SLC66A3: variants seen among roughly 807,000 people sequenced by gnomAD.
SLC66A3 encodes PQ loop repeat containing 3.
A neutral mutation model predicts 25.5 loss-of-function variants in SLC66A3; 23 were observed. The observed-to-expected ratio is 0.90, with a 90% CI of 0.65 to 1.28. The LOEUF (loss-of-function observed/expected upper bound fraction) is 1.28. SLC66A3 is among the 50% of genes most tolerant of loss of function. The pLI, the probability that SLC66A3 is intolerant of heterozygous loss-of-function variation, is 0.00. For synonymous variants in SLC66A3, 108 were observed against 112.6 expected, an observed-to-expected ratio of 0.96 and a Z score of 0.26; for missense variants, 246 against 262.1, an observed-to-expected ratio of 0.94 and a Z score of 0.42.
chr2:11,176,339 C>CAGAGT (rs1282623624), intron 6 of SLC66A3, among the ~76,000 whole-genome samples: 3 of 151,380 alleles, frequency 2.0e-5, no homozygotes, highest in African/African-American at 7.3e-5. Flanking sequence ...CCTCAGCCTC[C>CAGAGT]AGAGTAGCTG....
chr2:11,173,966 G>T (rs1662642803), intron 5 of SLC66A3, among the ~76,000 whole-genome samples: 2 of 152,146 alleles, frequency 1.3e-5, no homozygotes, highest in South Asian at 2.1e-4. Flanking sequence ...TTTATTGTTT[G>T]TTTTTTGAGA....
At chr2:11,161,790 G>A (rs552450837) in intron 3 of SLC66A3, among the ~76,000 whole-genome samples, 1 of 152,340 alleles carries the variant, frequency 6.6e-6, no homozygotes, top group South Asian at 2.1e-4. Flanking sequence ...CAAAGTGCTG[G>A]GATTACAGGC....
intron 3 of SLC66A3, among the ~76,000 whole-genome samples, chr2:11,163,004 C>T (rs1436651459): frequency 1.3e-5 from 2 of 152,018 alleles, no homozygotes; most frequent in Non-Finnish European, 2.9e-5. Context: ...GTTGGGTGGT[C>T]GAAGTGGGAG....
At chr2:11,161,961 T>C (rs1662145350) in intron 3 of SLC66A3, among the ~76,000 whole-genome samples, 2 of 152,132 alleles carry the variant, frequency 1.3e-5, no homozygotes, top group African/African-American at 4.8e-5. Flanking sequence ...GCCATGAGAA[T>C]GTGGGTGTGG....
Position 11,177,774 on chromosome 2 carries a change from ATGGGT to A in SLC66A3, c.556_560del (p.Trp186AsnfsTer15). The A allele has an allele frequency of 6.2e-7, 1 of 1,611,660 alleles. No homozygotes were observed. Among genetic ancestry groups the A allele is most frequent in the Non-Finnish European group, 8.5e-7 (1 of 1,178,728 alleles). ...TTGTGATCATGCTGGCTTTAAATAT[ATGGGT>A]AACAGTGACAGTACTTCGCTACCGG... On this transcript the variant is annotated frameshift_variant, in exon 7 of 7. Transcript: ENST00000295083. LOFTEE classifies it high-confidence loss of function.
At chr2:11,162,527 C>T (rs980368587) in intron 3 of SLC66A3, among the ~76,000 whole-genome samples, 1 of 152,194 alleles carries the variant, frequency 6.6e-6, no homozygotes, top group African/African-American at 2.4e-5. Flanking sequence ...CAGCAAGATG[C>T]TTATAATCTC....
At chr2:11,159,706 A>C (rs1262760228) in intron 1 of SLC66A3, among the ~76,000 whole-genome samples, 1 of 152,014 alleles carries the variant, frequency 6.6e-6, no homozygotes, top group African/African-American at 2.4e-5. Flanking sequence ...GGTGAGAGGG[A>C]GGGAGCCAAA....
intron 6 of SLC66A3, among the ~76,000 whole-genome samples, chr2:11,176,910 C>T (rs1056588181): frequency 6.6e-6 from 1 of 152,110 alleles, no homozygotes; most frequent in South Asian, 2.1e-4. Flanking sequence ...CTCATTAAAC[C>T]TATTTATCAG....
At chr2:11,164,339 A>ATTTTTTTTTTTTT (rs1662232050) in intron 4 of SLC66A3, 78 bp downstream of exon 4, 1 of 120,306 alleles carries the variant, frequency 8.3e-6, no homozygotes, top group African/African-American at 5.1e-5. Context: ...ATATATATAT[A>ATTTTTTTTTTTTT]TATATATTTT....
intron 5 of SLC66A3, among the ~76,000 whole-genome samples, chr2:11,172,348 A>C (rs1297658543): frequency 6.6e-6 from 1 of 152,316 alleles, no homozygotes; most frequent in South Asian, 2.1e-4. Context: ...GGTTGATTAT[A>C]TTGAATGTAC....
chr2:11,177,976 G>C lies in SLC66A3; in HGVS notation c.*148G>C. The C allele has an allele frequency of 1.7e-6, 1 of 592,056 alleles. No homozygotes were observed. Among genetic ancestry groups the C allele is most frequent in the Non-Finnish European group, 2.9e-6 (1 of 341,050 alleles). 36.7% of individuals were successfully genotyped at this position (592,056 alleles called of 1,614,324 possible). The stretch of plus-strand genomic sequence containing the variant: ...GGTTTTTTTAGACTTGAAAGAAAGA[G>C]CCACTTAAATTCTTGTTTAAAAATA... On this transcript the variant is annotated 3_prime_UTR_variant, in exon 7 of 7. Transcript: ENST00000295083.
intron 1 of SLC66A3, among the ~76,000 whole-genome samples, chr2:11,157,119 T>G (rs1475170166): frequency 6.6e-6 from 1 of 152,156 alleles, no homozygotes; most frequent in Non-Finnish European, 1.5e-5. Context: ...TTCCACCACT[T>G]TTGCAGCATT....
chr2:11,177,873 C>A lies in SLC66A3; in HGVS notation c.*45C>A. 2.6e-6 allele frequency: 3 copies of A among 1,162,508 alleles called. No individual in the cohort carries two copies. The highest frequency in any genetic ancestry group is 1.4e-5 in the South Asian group (1 of 73,764). 72.0% of individuals were successfully genotyped at this position (1,162,508 alleles called of 1,614,324 possible). On this transcript the variant is annotated 3_prime_UTR_variant, in exon 7 of 7. Coordinates refer to ENST00000295083, the MANE Select transcript of SLC66A3 (RefSeq NM_152391.5). ...CACAGTGGATTTTGAGTAACTGAAC[C>A]AAAGGAAAAAGAAGCTCTTTGCTAA...
At chr2:11,173,302 T>G (rs1444499949) in intron 5 of SLC66A3, among the ~76,000 whole-genome samples, 3 of 152,168 alleles carry the variant, frequency 2.0e-5, no homozygotes, top group Non-Finnish European at 2.9e-5. Context: ...TATGTTTTCT[T>G]TGGAGAAATG....
intron 1 of SLC66A3, among the ~76,000 whole-genome samples, chr2:11,159,125 G>A (rs1662021438): frequency 6.6e-6 from 1 of 152,258 alleles, no homozygotes; most frequent in African/African-American, 2.4e-5. Flanking sequence ...CCTGTGGACT[G>A]TGGCTGCGTC....
At position 11,160,692 on chromosome 2, in the gene SLC66A3, T is replaced by A. The variant is rs1662090992; in HGVS notation, c.294T>A (p.Ala98=). ...TGAAGCAGGCCACTCCTTACATCGC[T>A]GTGTATCCTTTCTGAATCTGAGCCA... ...GNVKQATPYI[A]VLVSSWFILA... Residue 98 remains alanine (A), a splice_region_variant and synonymous_variant, in exon 3 of 7, where the codon GCT becomes GCA. Transcript: ENST00000295083. The A allele has an allele frequency of 1.9e-6, 3 of 1,614,076 alleles. No homozygotes were observed. The highest frequency in any genetic ancestry group is 2.5e-6 in the Non-Finnish European group (3 of 1,179,980).
At chr2:11,172,075 C>G (rs745411313) in intron 5 of SLC66A3, 30 bp downstream of exon 5, 6 of 1,610,892 alleles carry the variant, frequency 3.7e-6, no homozygotes, top group Non-Finnish European at 5.1e-6. Flanking sequence ...GGTGGGGAGG[C>G]CTTTGGTAGC....
At chr2:11,167,042 G>A (rs1662370137) in intron 4 of SLC66A3, among the ~76,000 whole-genome samples, 2 of 152,196 alleles carry the variant, frequency 1.3e-5, no homozygotes, top group East Asian at 1.9e-4. Context: ...GTTCTCAGTA[G>A]GTCTTACTAC....
intron 4 of SLC66A3, among the ~76,000 whole-genome samples, chr2:11,169,475 A>C (rs1162622934): frequency 6.6e-6 from 1 of 152,060 alleles, no homozygotes; most frequent in Non-Finnish European, 1.5e-5. Context: ...CTTCATTCAT[A>C]TCTCGGTAGC....
Sources: allele counts gnomAD v4.1 joint callset (sites outside exome capture counted in the v4.1 genomes callset), GRCh38; gene constraint gnomAD v4.1.1; transcripts MANE v1.5; gene names NCBI Gene and HGNC (gene_info 2026-07-23, HGNC 2026-07-21).